Variants in ZDHHC21 observed in about 807,000 individuals in gnomAD.
ZDHHC21 encodes zDHHC palmitoyltransferase 21, also known as palmitoyltransferase ZDHHC21.
Under a neutral mutation model 34.6 loss-of-function variants are expected in ZDHHC21, and 15 were observed. The ratio of observed to expected loss-of-function variants is 0.43; its 90% CI spans 0.29 to 0.67. ZDHHC21 has a LOEUF of 0.67. Ranked by LOEUF, ZDHHC21 falls within the 30% of genes least tolerant of loss-of-function variation. The pLI, the probability that ZDHHC21 is intolerant of heterozygous loss-of-function variation, is 0.14. For missense variants in ZDHHC21, 344 were observed against 327.7 expected (o/e 1.05, Z -0.38); for synonymous variants, 142 against 101.8 (o/e 1.40, Z -2.38).
chr9:14,647,988 A>G (rs1235216193), intron 7 of ZDHHC21, among the ~76,000 whole-genome samples: 2 of 152,134 alleles, frequency 1.3e-5, no homozygotes, highest in Non-Finnish European at 2.9e-5. Context: ...GAAGTTAAGC[A>G]GGCAGAGTAA....
chr9:14,631,644 A>C (rs1827363366), intron 8 of ZDHHC21, among the ~76,000 whole-genome samples: 1 of 152,132 alleles, frequency 6.6e-6, no homozygotes. Context: ...TTTTGATTTA[A>C]AGTGAGAGAC....
chr9:14,647,411 A>G (rs1830442851), intron 7 of ZDHHC21, among the ~76,000 whole-genome samples: 1 of 152,146 alleles, frequency 6.6e-6, no homozygotes, highest in Non-Finnish European at 1.5e-5. Context: ...ATCTCAATTC[A>G]AATTCTAAGA....
Position 14,618,158 on chromosome 9 carries a change from G to A in ZDHHC21, c.*808C>T, listed in dbSNP as rs1824608785. The A allele has an allele frequency of 6.6e-6, 1 of 152,138 alleles. No homozygotes were observed. The highest frequency in any genetic ancestry group is 1.5e-5 in the Non-Finnish European group (1 of 67,892). 9.4% of individuals were successfully genotyped at this position (152,138 alleles called of 1,614,324 possible). On this transcript the variant is annotated 3_prime_UTR_variant, in exon 10 of 10. Coordinates refer to ENST00000380916, the MANE Select transcript of ZDHHC21 (RefSeq NM_178566.6). ...TTATTGCAAATTCTCTCCCCTTTTT[G>A]CTCATTAAAATCTTAGGATAAAATA...
chr9:14,589,834 G>A, the ZDHHC21 span: 20 of 152,274 alleles, frequency 1.3e-4, no homozygotes, highest in Admixed American at 1.2e-3. Flanking sequence ...CTATCAAAAC[G>A]AAGTCCAATA....
At chr9:14,684,052 C>A (rs183787553) in intron 2 of ZDHHC21, among the ~76,000 whole-genome samples, 26 of 152,184 alleles carry the variant, frequency 1.7e-4, no homozygotes, top group Non-Finnish European at 3.5e-4. Flanking sequence ...GGACGTACCT[C>A]AAAATAATCA....
intron 7 of ZDHHC21, among the ~76,000 whole-genome samples, chr9:14,647,684 C>T (rs1196592720): frequency 6.8e-6 from 1 of 146,050 alleles, no homozygotes; most frequent in Admixed American, 6.9e-5. Flanking sequence ...TTTACCACCA[C>T]GTTTCTTGAC....
downstream of ZDHHC21, among the ~76,000 whole-genome samples, chr9:14,609,593 G>C (rs757624707): frequency 7.9e-5 from 12 of 152,082 alleles, no homozygotes; most frequent in African/African-American, 2.9e-4. Flanking sequence ...GACAAGATCA[G>C]TGGTAATATT....
At chr9:14,692,773 A>T (rs1051150559) in intron 1 of ZDHHC21, among the ~76,000 whole-genome samples, 5 of 152,158 alleles carry the variant, frequency 3.3e-5, no homozygotes, top group African/African-American at 4.8e-5. Flanking sequence ...TCACACCAGA[A>T]GTCTGGAATG....
chr9:14,642,995 T>C (rs1258628395), intron 7 of ZDHHC21, among the ~76,000 whole-genome samples: 1 of 152,166 alleles, frequency 6.6e-6, no homozygotes, highest in African/African-American at 2.4e-5. Context: ...TCCCAGCACT[T>C]TGGGAGGCCA....
At chr9:14,646,998 T>C (rs184145267) in intron 7 of ZDHHC21, among the ~76,000 whole-genome samples, 3 of 152,166 alleles carry the variant, frequency 2.0e-5, no homozygotes, top group Non-Finnish European at 4.4e-5. Context: ...CAAAGAAAAT[T>C]GGACAAAGAA....
intron 6 of ZDHHC21, among the ~76,000 whole-genome samples, chr9:14,660,972 T>C (rs1833282055): frequency 6.6e-6 from 1 of 152,176 alleles, no homozygotes; most frequent in Admixed American, 6.5e-5. Flanking sequence ...AATCTATTAC[T>C]ATTGTGAGAG....
chr9:14,688,048 C>T (rs1838608122), intron 2 of ZDHHC21, among the ~76,000 whole-genome samples: 1 of 150,970 alleles, frequency 6.6e-6, no homozygotes. Flanking sequence ...AAAAATCAAG[C>T]TCTCATTGCC....
the ZDHHC21 span, among the ~76,000 whole-genome samples, chr9:14,597,405 G>A: frequency 8.5e-5 from 13 of 152,146 alleles, no homozygotes; most frequent in East Asian, 7.7e-4. Flanking sequence ...ACAGTGCAGT[G>A]GACCAGGGAG....
At chr9:14,595,571 C>T in the ZDHHC21 span, among the ~76,000 whole-genome samples, 4 of 151,992 alleles carry the variant, frequency 2.6e-5, no homozygotes, top group African/African-American at 9.7e-5. Flanking sequence ...ACATTTACTA[C>T]AAAATATTCA....
intron 8 of ZDHHC21, among the ~76,000 whole-genome samples, chr9:14,634,663 ACCAG>A (rs1586978982): frequency 6.6e-6 from 1 of 152,268 alleles, no homozygotes; most frequent in Non-Finnish European, 1.5e-5. Flanking sequence ...AAGGGCCCCA[ACCAG>A]CCAACACAAA....
At chr9:14,658,693 G>A (rs893607417) in intron 7 of ZDHHC21, 56 bp downstream of exon 7, 36 of 1,454,228 alleles carry the variant, frequency 2.5e-5, no homozygotes, top group Admixed American at 1.6e-4. Context: ...GGATGGTCTC[G>A]ATCTCCTGAC....
chr9:14,663,046 C>G (rs964746708), intron 5 of ZDHHC21, among the ~76,000 whole-genome samples: 1 of 152,166 alleles, frequency 6.6e-6, no homozygotes, highest in African/African-American at 2.4e-5. Context: ...TGGAGTGAAA[C>G]AGCACACGAT....
rs150989188 is a variant in ZDHHC21 at position 14,635,299 on chromosome 9, C to G, written c.621+4597G>C. 5.1e-4 allele frequency among the ~76,000 whole-genome samples: 77 copies of G among 152,302 alleles called. No homozygotes were observed. In the East Asian group the frequency reaches 5.6e-3, roughly 11 times the overall value. On this transcript the variant is annotated intron_variant, in intron 8 of 9. Transcript: ENST00000380916. ...ACAGCTGAAAACTTCTCAAGTCTAG[C>G]AAGTGATCAAGACACCTAAGTATAG...
intron 7 of ZDHHC21, among the ~76,000 whole-genome samples, chr9:14,644,875 A>G (rs1432902993): frequency 6.6e-6 from 1 of 151,926 alleles, no homozygotes; most frequent in African/African-American, 2.4e-5. Flanking sequence ...GTCTGTAGAA[A>G]TTGCTAAGCT....
Sources: allele counts gnomAD v4.1 joint callset (sites outside exome capture counted in the v4.1 genomes callset), GRCh38; gene constraint gnomAD v4.1.1; transcripts MANE v1.5; gene names NCBI Gene and HGNC (gene_info 2026-07-23, HGNC 2026-07-21).